The following PTPRK variants were observed in gnomAD, a reference collection of about 807,000 sequenced individuals.
PTPRK encodes the protein receptor-type tyrosine-protein phosphatase kappa.
In PTPRK, 75 loss-of-function variants were observed where a neutral mutation model predicts 178.0. The ratio of observed to expected loss-of-function variants is 0.42; its 90% CI spans 0.35 to 0.51. The LOEUF is 0.51. Ranked by LOEUF, PTPRK falls within the 20% of genes least tolerant of loss-of-function variation. PTPRK has a pLI of 0.02. For missense variants in PTPRK, 1,441 were observed against 1,797.8 expected, an observed-to-expected ratio of 0.80 and a Z score of 3.59; for synonymous variants, 637 against 620.6, an observed-to-expected ratio of 1.03 and a Z score of -0.39.
In PTPRK at chr6:128,168,457, C is replaced by T. The variant is rs375867850; in HGVS notation, c.1162+15975G>A. On this transcript the variant is annotated intron_variant, in intron 7 of 29. Coordinates refer to ENST00000368226, the MANE Select transcript of PTPRK (RefSeq NM_002844.4). ...TCCCATGTTCACTACAGCAGAGGTC[C>T]CCAAACCCCTAGTGACACACTGGTA... Among the ~76,000 whole-genome samples the T allele has an allele frequency of 3.3e-5, 5 of 151,974 alleles. No individual in the cohort carries two copies. The South Asian group carries it at 6.2e-4, about 19-fold the overall frequency.
chr6:128,451,462 C>A (rs1252011141), intron 1 of PTPRK, among the ~76,000 whole-genome samples: 1 of 151,910 alleles, frequency 6.6e-6, no homozygotes, highest in Non-Finnish European at 1.5e-5. Flanking sequence ...TAAAACACAC[C>A]TCCTTTTTCC....
chr6:128,300,132 C>T (rs1187385181), intron 3 of PTPRK, among the ~76,000 whole-genome samples: 1 of 152,172 alleles, frequency 6.6e-6, no homozygotes, highest in Non-Finnish European at 1.5e-5. Context: ...TGCTCACCAT[C>T]ACGGGCCAAC....
chr6:128,443,563 A>C (rs1431476494), intron 1 of PTPRK, among the ~76,000 whole-genome samples: 1 of 152,194 alleles, frequency 6.6e-6, no homozygotes, highest in East Asian at 1.9e-4. Flanking sequence ...CAGAGACTAA[A>C]ACGGTGAGGT....
At chr6:128,185,547 T>C (rs1802615445) in intron 6 of PTPRK, among the ~76,000 whole-genome samples, 1 of 152,162 alleles carries the variant, frequency 6.6e-6, no homozygotes, top group Admixed American at 6.6e-5. Context: ...TCATATGGTC[T>C]TTCCACAAGG....
chr6:128,029,260 T>C (rs1774865407), intron 13 of PTPRK, among the ~76,000 whole-genome samples: 1 of 152,128 alleles, frequency 6.6e-6, no homozygotes, highest in African/African-American at 2.4e-5. Flanking sequence ...CCTTCTGCCA[T>C]GATTGTAAGC....
At chr6:128,043,733 T>C (rs962870147) in intron 13 of PTPRK, among the ~76,000 whole-genome samples, 4 of 151,954 alleles carry the variant, frequency 2.6e-5, no homozygotes, top group Non-Finnish European at 5.9e-5. Context: ...AATCTGAATG[T>C]TATTACACAC....
At chr6:128,330,250 TC>T (rs760201763) in intron 2 of PTPRK, among the ~76,000 whole-genome samples, 7 of 152,220 alleles carry the variant, frequency 4.6e-5, no homozygotes, top group Non-Finnish European at 8.8e-5. Flanking sequence ...ATATTTTTTT[TC>T]TTTGTTATAA....
intron 7 of PTPRK, among the ~76,000 whole-genome samples, chr6:128,150,527 C>T (rs931581854): frequency 6.6e-6 from 1 of 152,142 alleles, no homozygotes; most frequent in Non-Finnish European, 1.5e-5. Context: ...CCGGCCTTCC[C>T]TGCTCATCTT....
rs567249086 is a variant in PTPRK at position 128,029,206 on chromosome 6, C to T, written c.2195-19938G>A. ...TGTTTAAAGAGTGTGGACCTTCCCT[C>T]TCCTGTCTCCCTCTCTTGCCAAGTG... On this transcript the variant is annotated intron_variant, in intron 13 of 29. Transcript: ENST00000368226. 1.1e-4 allele frequency among the ~76,000 whole-genome samples: 17 copies of T among 152,104 alleles called. No individual in the cohort carries two copies. The South Asian group carries it at 2.3e-3, about 20-fold the overall frequency.
intron 13 of PTPRK, among the ~76,000 whole-genome samples, chr6:128,020,666 T>C (rs977523862): frequency 2.0e-5 from 3 of 152,052 alleles, no homozygotes; most frequent in Admixed American, 1.3e-4. Flanking sequence ...GAGAAAGAAA[T>C]AGAAAACAAA....
At chr6:128,047,000 C>G (rs936060068) in intron 13 of PTPRK, among the ~76,000 whole-genome samples, 28 of 151,990 alleles carry the variant, frequency 1.8e-4, no homozygotes, top group African/African-American at 5.1e-4. Flanking sequence ...AAAGATTTGA[C>G]AAAGGCAGCA....
intron 13 of PTPRK, among the ~76,000 whole-genome samples, chr6:128,029,613 G>C (rs989863350): frequency 1.3e-5 from 2 of 149,442 alleles, no homozygotes; most frequent in African/African-American, 4.9e-5. Context: ...CTCCAGCCTG[G>C]GTGACAGAGT....
At chr6:128,011,761 A>G (rs1388656591) in intron 13 of PTPRK, among the ~76,000 whole-genome samples, 4 of 151,208 alleles carry the variant, frequency 2.6e-5, no homozygotes, top group African/African-American at 9.7e-5. Flanking sequence ...GAATTCATGT[A>G]AACATATTTC....
chr6:128,470,032 C>T (rs915139355), intron 1 of PTPRK, among the ~76,000 whole-genome samples: 12 of 152,036 alleles, frequency 7.9e-5, no homozygotes, highest in African/African-American at 2.2e-4. Flanking sequence ...TGTTTTACGC[C>T]GCTAACTTTG....
chr6:127,981,200 G>A lies in PTPRK; in HGVS notation c.3627C>T (p.Asp1209=), dbSNP rs748058461. The change falls in exon 25 of 30, where the codon GAC becomes GAT. Residue 1209 remains aspartate (D), a synonymous_variant. Coordinates refer to ENST00000368226, the MANE Select transcript of PTPRK (RefSeq NM_002844.4). ...PRNHDKNRFM[D]MLPPDRCLPF... is the part of the protein sequence containing the mutation. Reference sequence around the variant, plus strand: ...GCAGACATCTGTCAGGTGGCAGCATGTCCATGAAACGGTTCTTGTCATGGT... The same window carrying A: ...GCAGACATCTGTCAGGTGGCAGCATATCCATGAAACGGTTCTTGTCATGGT... 11 of 1,613,812 alleles carry A rather than the reference G, an allele frequency of 6.8e-6. No individual in the cohort carries two copies. The African/African-American group carries it at 9.3e-5, about 14-fold the overall frequency.
In PTPRK at chr6:127,981,148, T is replaced by C. The variant is rs758599531; in HGVS notation, c.3679A>G (p.Ser1227Gly). 1.9e-6 allele frequency: 3 copies of C among 1,613,966 alleles called. No homozygotes were observed. The highest frequency in any genetic ancestry group is 2.5e-6 in the Non-Finnish European group (3 of 1,179,968). The change falls in exon 25 of 30, where the codon AGC (serine) becomes GGC (glycine). Residue 1227 changes from serine to glycine, a missense_variant. Around this residue, in one of 4 missense-constraint regions of PTPRK, gnomAD observed 335 missense variants for 512.4 expected, o/e 0.65. Coordinates refer to ENST00000368226, the MANE Select transcript of PTPRK (RefSeq NM_002844.4). ...LPFLITIDGE[S>G]SNYINAALMD... ...AGAGCAGCATTGATGTAGTTACTGC[T>C]CTCCCCATCAATTGTAATTAAAAAA...
At chr6:128,330,873 C>T (rs550354232) in intron 2 of PTPRK, among the ~76,000 whole-genome samples, 56 of 145,020 alleles carry the variant, frequency 3.9e-4, no homozygotes, top group African/African-American at 1.4e-3. Context: ...AAAACAAAAA[C>T]AAAAACAAAA....
At chr6:128,087,340 G>C (rs1206410469) in intron 8 of PTPRK, among the ~76,000 whole-genome samples, 1 of 151,754 alleles carries the variant, frequency 6.6e-6, no homozygotes, top group Non-Finnish European at 1.5e-5. Context: ...TTTAAGGGTA[G>C]GCAATAAAAC....
At chr6:128,436,841 G>A (rs1279612463) in intron 1 of PTPRK, among the ~76,000 whole-genome samples, 2 of 152,150 alleles carry the variant, frequency 1.3e-5, no homozygotes, top group Admixed American at 1.3e-4. Context: ...GGTATGAAGA[G>A]AAGGGGAAAC....
Sources: gnomAD v4.1 joint callset for allele counts (sites outside exome capture counted in the v4.1 genomes callset) on GRCh38, gnomAD v4.1.1 for gene constraint, gnomAD v4.1.1 regional missense constraint, MANE v1.5 for transcripts, NCBI Gene and HGNC (gene_info 2026-07-23, HGNC 2026-07-21) for gene names.